Variants in FSIP2 observed in about 807,000 individuals in gnomAD.
FSIP2 encodes the protein fibrous sheath-interacting protein 2.
FSIP2 carries 367 observed loss-of-function variants against 510.5 expected under a neutral mutation model. That is an observed-to-expected ratio of 0.72 (90% CI 0.66 to 0.78). FSIP2 has a LOEUF of 0.78. Among genes scored for constraint, FSIP2 ranks in the 30% least tolerant of loss-of-function variants. The probability of loss-of-function intolerance (pLI) is 0.00; values close to 1 mark genes in which losing one functional copy is unlikely to be tolerated. For synonymous variants in FSIP2, 2,601 were observed against 2,732.2 expected (o/e 0.95, Z 1.50); for missense variants, 7,594 against 7,901.7 (o/e 0.96, Z 1.48).
chr2:185,798,156 G>A (rs894353018), intron 16 of FSIP2, among the ~76,000 whole-genome samples: 1 of 151,886 alleles, frequency 6.6e-6, no homozygotes, highest in Non-Finnish European at 1.5e-5. Flanking sequence ...CATAAATTTG[G>A]AAGGGTTTTT....
At chr2:185,815,678 G>T (rs1693812386) in intron 19 of FSIP2, among the ~76,000 whole-genome samples, 1 of 151,940 alleles carries the variant, frequency 6.6e-6, no homozygotes, top group African/African-American at 2.4e-5. Context: ...TGGCCTCTAT[G>T]TCCTAGTTTT....
At chr2:185,770,184 T>C (rs1022878508) in intron 13 of FSIP2, among the ~76,000 whole-genome samples, 1 of 152,208 alleles carries the variant, frequency 6.6e-6, no homozygotes, top group African/African-American at 2.4e-5. Context: ...TTTAACAATA[T>C]TAATTCTTCC....
At chr2:185,745,848 T>C (rs115470060) in intron 5 of FSIP2, among the ~76,000 whole-genome samples, 1,575 of 152,186 alleles carry the variant, frequency 0.01, 18 homozygotes, top group African/African-American at 0.035. Context: ...TCAAACAATA[T>C]ATTCAAACAG....
Position 185,802,123 on chromosome 2 carries a change from A to G in FSIP2, c.12817A>G (p.Thr4273Ala). 2 of 1,532,666 alleles carry G rather than the reference A, an allele frequency of 1.3e-6. No individual in the cohort carries two copies. Among genetic ancestry groups the G allele is most frequent in the South Asian group, 2.4e-5 (2 of 83,950 alleles). 94.9% of individuals were successfully genotyped at this position (1,532,666 alleles called of 1,614,324 possible). A position where few individuals can be genotyped will look rare whatever the true frequency, so the allele number is the denominator to read the frequency against. The change falls in exon 17 of 23, where the codon ACT becomes GCT. Residue 4273 changes from threonine (T) to alanine (A), a missense_variant. Physicochemically the swap from Thr to Ala is moderately conservative, Grantham distance 58. Coordinates refer to ENST00000424728, the MANE Select transcript of FSIP2 (RefSeq NM_173651.4). ...TGGAGAGGTTTTATGTCATCCAAGG[A>G]CTCCACTGGATCCAGTGTCTACTAT... ...LSGEVLCHPR[T>A]PLDPVSTIVT...
In FSIP2 at chr2:185,796,483, T is replaced by C. The variant is rs1448302381; in HGVS notation, c.9347T>C (p.Ile3116Thr). The change falls in exon 16 of 23, where the codon ATT (isoleucine) becomes ACT (threonine). Residue 3116 changes from isoleucine (I) to threonine (T), a missense_variant. By Grantham distance (89) the Ile-to-Thr change is moderately conservative (BLOSUM62 -1). Coordinates refer to ENST00000424728, the MANE Select transcript of FSIP2 (RefSeq NM_173651.4). ...PSSISILKEN[I>T]VASEIIGTLM... ...TCAATTAGCATATTGAAAGAGAACA[T>C]TGTAGCAAGTGAGATCATTGGCACA... The C allele has an allele frequency of 2.6e-6, 4 of 1,535,078 alleles. 1 individual carries two copies. The highest frequency in any genetic ancestry group is 2.4e-5 in the South Asian group (2 of 84,024).
At chr2:185,742,658 G>C (rs1425043675) in intron 2 of FSIP2, among the ~76,000 whole-genome samples, 1 of 152,066 alleles carries the variant, frequency 6.6e-6, no homozygotes, top group African/African-American at 2.4e-5. Context: ...ATTTGTTAAA[G>C]TTATTTTCAT....
At chr2:185,745,401 A>G in intron 4 of FSIP2, 28 bp from the exon 5 acceptor site, 4 of 1,370,280 alleles carry the variant, frequency 2.9e-6, no homozygotes, top group Non-Finnish European at 4.0e-6. Flanking sequence ...AGCATTATAT[A>G]TATGTAATAC....
Position 185,796,264 on chromosome 2 carries a change from T to A in FSIP2, c.9128T>A (p.Leu3043Ter), listed in dbSNP as rs1340664148. The change falls in exon 16 of 23, where the codon TTA becomes TAA. Residue 3043 changes from leucine (L) to a stop codon, truncating the protein, a stop_gained. Coordinates refer to ENST00000424728, the MANE Select transcript of FSIP2 (RefSeq NM_173651.4). LOFTEE classifies it high-confidence loss of function. ...KLLNKKMLPKLQPLKMFSDKS... is the reference protein window; with the variant it reads ...KLLNKKMLPK ...TTAAACAAAAAAATGTTGCCAAAAT[T>A]ACAACCACTGAAAATGTTTTCTGAT... 1 of 1,532,434 alleles carries A rather than the reference T, an allele frequency of 6.5e-7. No individual in the cohort carries two copies. The highest frequency in any genetic ancestry group is 1.4e-5 in the African/African-American group (1 of 72,850). The allele number at this position is 1,532,434 out of a possible 1,614,324, so 94.9% of individuals were successfully genotyped here. A position where few individuals can be genotyped will look rare whatever the true frequency, so the allele number is the denominator to read the frequency against.
At chr2:185,746,416 T>C (rs1692035268) in intron 5 of FSIP2, among the ~76,000 whole-genome samples, 1 of 152,098 alleles carries the variant, frequency 6.6e-6, no homozygotes, top group Non-Finnish European at 1.5e-5. Context: ...TTGCTCTGCT[T>C]TTTACCATTA....
In FSIP2 at chr2:185,776,804, G is replaced by A. The variant is rs945315414; in HGVS notation, c.1412-5901G>A. On this transcript the variant is annotated intron_variant, in intron 13 of 22. Coordinates refer to ENST00000424728, the MANE Select transcript of FSIP2 (RefSeq NM_173651.4). ...GCTGGAGTTGCAATGGTGTGATCTCGGCTCACTGCAACTTCCGCCTCCCGG... is the reference window on the plus strand; with the variant it reads ...GCTGGAGTTGCAATGGTGTGATCTCAGCTCACTGCAACTTCCGCCTCCCGG... Among the ~76,000 whole-genome samples, 11 of 151,732 alleles carry A rather than the reference G, an allele frequency of 7.2e-5. No homozygotes were observed. The South Asian group carries it at 1.0e-3, about 14-fold the overall frequency.
In FSIP2 at chr2:185,764,660, C is replaced by T. The variant is rs1692426923; in HGVS notation, c.1411+95C>T. 3 of 873,316 alleles carry T rather than the reference C, an allele frequency of 3.4e-6. No homozygotes were observed. The African/African-American group carries it at 5.1e-5, about 15-fold the overall frequency. The allele number at this position is 873,316 out of a possible 1,614,324, so 54.1% of individuals were successfully genotyped here. On this transcript the variant is annotated intron_variant, in intron 13 of 22. Transcript: ENST00000424728. ...TTTTTGCTTCATGTTAGATATGGTG[C>T]TAAGTTTTAATCATTCAAGGAAAAA... is the stretch of plus-strand genomic sequence containing the variant.
In FSIP2 at chr2:185,795,351, G is replaced by C. The variant is rs1318281371; in HGVS notation, c.8215G>C (p.Ala2739Pro). 1 of 1,534,404 alleles carries C rather than the reference G, an allele frequency of 6.5e-7. No homozygotes were observed. The highest frequency in any genetic ancestry group is 1.2e-5 in the South Asian group (1 of 84,020). ...KLPTSELKIY[A>P]KDIIINILET... ...GCCCACTTCAGAACTAAAAATATAT[G>C]CCAAGGATATAATAATTAACATCCT... The change falls in exon 16 of 23, where the codon GCC becomes CCC. Residue 2739 changes from alanine (A) to proline (P), a missense_variant. Physicochemically the swap from Ala to Pro is conservative, Grantham distance 27. Coordinates refer to ENST00000424728, the MANE Select transcript of FSIP2 (RefSeq NM_173651.4).
intron 8 of FSIP2, among the ~76,000 whole-genome samples, chr2:185,754,584 A>C (rs1195233292): frequency 3.3e-5 from 5 of 151,462 alleles, no homozygotes; most frequent in African/African-American, 9.7e-5. Flanking sequence ...GTCGCTTGCT[A>C]CATTTAAAAC....
Position 185,796,393 on chromosome 2 carries a change from T to A in FSIP2, c.9257T>A (p.Ile3086Asn). ...SQLLTYAVNI[I>N]SDMLAVIKNK... is the part of the protein sequence containing the mutation. ...TTACTTACATATGCTGTTAATATCA[T>A]CAGTGACATGCTTGCTGTAATTAAG... The change falls in exon 16 of 23, where the codon ATC becomes AAC. Residue 3086 changes from isoleucine to asparagine, a missense_variant. Physicochemically the swap from Ile to Asn is moderately radical, Grantham distance 149. Transcript: ENST00000424728. 6.5e-7 allele frequency: 1 copy of A among 1,533,832 alleles called. No individual in the cohort carries two copies. The highest frequency in any genetic ancestry group is 8.7e-7 in the Non-Finnish European group (1 of 1,145,346).
chr2:185,753,150 G>A (rs1446854344), intron 7 of FSIP2, among the ~76,000 whole-genome samples: 2 of 151,328 alleles, frequency 1.3e-5, no homozygotes, highest in African/African-American at 4.8e-5. Flanking sequence ...ATAGGTTGCA[G>A]TGACTGTTTT....
intron 13 of FSIP2, among the ~76,000 whole-genome samples, chr2:185,778,281 T>C (rs1692769749): frequency 1.3e-5 from 2 of 151,996 alleles, no homozygotes; most frequent in Non-Finnish European, 2.9e-5. Context: ...CTCTGTTCTT[T>C]AGATTTTCCA....
chr2:185,807,258 T>G lies in FSIP2; in HGVS notation c.17952T>G (p.Val5984=). The G allele has an allele frequency of 1.2e-6, 2 of 1,612,606 alleles. No individual in the cohort carries two copies. The highest frequency in any genetic ancestry group is 1.7e-6 in the Non-Finnish European group (2 of 1,179,216). ...ACLPLESKDV[V]KKVQKLAQTA... ...TGCCTCTGGAATCTAAGGATGTTGT[T>G]AAAAAGGTCCAAAAGTTGGCCCAAA... Residue 5984 remains valine, a synonymous_variant, in exon 17 of 23, where the codon GTT becomes GTG. Coordinates refer to ENST00000424728, the MANE Select transcript of FSIP2 (RefSeq NM_173651.4).
chr2:185,797,260 A>T lies in FSIP2; in HGVS notation c.10124A>T (p.Lys3375Met). ...SSLSEVSGGQKDNEKSLLRMQ... is the reference protein window; with the variant it reads ...SSLSEVSGGQMDNEKSLLRMQ... The stretch of plus-strand genomic sequence containing the variant: ...TTATCTGAAGTATCTGGAGGGCAAA[A>T]GGATAACGAAAAAAGTTTGCTTAGA... The change falls in exon 16 of 23, where the codon AAG becomes ATG. Residue 3375 changes from lysine (K) to methionine (M), a missense_variant. By Grantham distance (95) the Lys-to-Met change is moderately conservative. Transcript: ENST00000424728. 6.5e-7 allele frequency: 1 copy of T among 1,534,652 alleles called. No individual in the cohort carries two copies. Among genetic ancestry groups the T allele is most frequent in the African/African-American group, 1.4e-5 (1 of 72,980 alleles).
intron 7 of FSIP2, among the ~76,000 whole-genome samples, chr2:185,751,589 A>G (rs1423774207): frequency 6.6e-6 from 1 of 150,678 alleles, no homozygotes; most frequent in African/African-American, 2.4e-5. Context: ...ATTTAGTGCG[A>G]TTATTAACAT....
Sources: allele counts gnomAD v4.1 joint callset (sites outside exome capture counted in the v4.1 genomes callset), GRCh38; gene constraint gnomAD v4.1.1; transcripts MANE v1.5; gene names NCBI Gene and HGNC (gene_info 2026-07-23, HGNC 2026-07-21).